SUCLG2: variants seen among roughly 807,000 people sequenced by gnomAD.
SUCLG2 encodes the protein succinate--CoA ligase [GDP-forming] subunit beta, mitochondrial.
SUCLG2 carries 42 observed loss-of-function variants against 47.9 expected under a neutral mutation model. The observed-to-expected ratio is 0.88, with a 90% confidence interval of 0.69 to 1.14. The LOEUF (loss-of-function observed/expected upper bound fraction) is 1.14. SUCLG2 is among the 50% of genes most tolerant of loss of function. The pLI, the probability that SUCLG2 is intolerant of heterozygous loss-of-function variation, is 0.00. For synonymous variants in SUCLG2, 195 were observed against 197.3 expected (o/e 0.99, Z 0.10); for missense variants, 571 against 525.9 (o/e 1.09, Z -0.84).
chr3:67,360,965 A>G (rs1461114907), intron 10 of SUCLG2, among the ~76,000 whole-genome samples: 1 of 152,222 alleles, frequency 6.6e-6, no homozygotes, highest in Admixed American at 6.5e-5. Flanking sequence ...TTATTGGGAA[A>G]ACAACGTCAT....
chr3:67,549,556 T>C (rs1706955903), intron 2 of SUCLG2, among the ~76,000 whole-genome samples: 2 of 152,222 alleles, frequency 1.3e-5, no homozygotes, highest in South Asian at 2.1e-4. Context: ...CTATAGGGAA[T>C]AGGGGTTGAT....
chr3:67,393,762 C>T (rs564487001), intron 10 of SUCLG2, among the ~76,000 whole-genome samples: 15 of 152,162 alleles, frequency 9.9e-5, no homozygotes, highest in Admixed American at 3.3e-4. Flanking sequence ...AGCCTAACTG[C>T]GAGGCACCCC....
chr3:67,606,692 G>T (rs1366921594), intron 2 of SUCLG2, among the ~76,000 whole-genome samples: 1 of 152,064 alleles, frequency 6.6e-6, no homozygotes, highest in Non-Finnish European at 1.5e-5. Context: ...AATCTTGATA[G>T]CTTTTAAAAA....
intron 1 of SUCLG2, among the ~76,000 whole-genome samples, chr3:67,618,992 A>G (rs1313168046): frequency 1.3e-5 from 2 of 152,226 alleles, no homozygotes; most frequent in Admixed American, 6.5e-5. Context: ...ATAGTGCCAC[A>G]TGTCTTATCT....
intron 1 of SUCLG2, among the ~76,000 whole-genome samples, chr3:67,640,629 T>A (rs1258220470): frequency 6.6e-6 from 1 of 152,126 alleles, no homozygotes; most frequent in East Asian, 1.9e-4. Flanking sequence ...TGGAATATTA[T>A]TGCTGGCTAA....
intron 10 of SUCLG2, among the ~76,000 whole-genome samples, chr3:67,393,203 C>A (rs1575665570): frequency 6.6e-6 from 1 of 152,352 alleles, no homozygotes; most frequent in South Asian, 2.1e-4. Flanking sequence ...ATGCACGAGC[C>A]AAAGCAGGGC....
At chr3:67,435,815 A>G (rs891089654) in intron 9 of SUCLG2, among the ~76,000 whole-genome samples, 1 of 152,216 alleles carries the variant, frequency 6.6e-6, no homozygotes, top group Non-Finnish European at 1.5e-5. Context: ...AACTTCACTT[A>G]GGAACAAACA....
At chr3:67,606,533 C>G (rs1227565865) in intron 2 of SUCLG2, among the ~76,000 whole-genome samples, 1 of 152,140 alleles carries the variant, frequency 6.6e-6, no homozygotes, top group Admixed American at 6.6e-5. Flanking sequence ...AATCCCCAAA[C>G]CACAAGAGTA....
intron 9 of SUCLG2, among the ~76,000 whole-genome samples, chr3:67,466,360 A>G (rs1322719654): frequency 6.6e-6 from 1 of 152,176 alleles, no homozygotes; most frequent in Non-Finnish European, 1.5e-5. Flanking sequence ...CAAAAAAAAG[A>G]ATTTATGCTG....
intron 1 of SUCLG2, among the ~76,000 whole-genome samples, chr3:67,630,812 T>C (rs1364212833): frequency 2.0e-5 from 3 of 152,330 alleles, no homozygotes; most frequent in Non-Finnish European, 2.9e-5. Context: ...TTGCCTAGAA[T>C]ACTAAACTTT....
intron 10 of SUCLG2, among the ~76,000 whole-genome samples, chr3:67,369,553 T>C (rs1455858420): frequency 6.6e-6 from 1 of 152,120 alleles, no homozygotes; most frequent in Non-Finnish European, 1.5e-5. Context: ...TTGGTGGAAA[T>C]GTGTTGTGTG....
intron 1 of SUCLG2, among the ~76,000 whole-genome samples, chr3:67,645,438 A>G (rs1189678184): frequency 6.6e-6 from 1 of 152,002 alleles, no homozygotes; most frequent in Non-Finnish European, 1.5e-5. Context: ...CCTATTCAAC[A>G]CTCAGCCATT....
intron 1 of SUCLG2, among the ~76,000 whole-genome samples, chr3:67,642,828 C>T (rs539153656): frequency 4.0e-5 from 6 of 151,894 alleles, no homozygotes; most frequent in African/African-American, 1.5e-4. Flanking sequence ...ATTGTACAGG[C>T]AAGTCCAGCA....
At chr3:67,476,882 T>C (rs186099982) in intron 9 of SUCLG2, among the ~76,000 whole-genome samples, 216 of 152,294 alleles carry the variant, frequency 1.4e-3, no homozygotes, top group Non-Finnish European at 1.1e-3. Context: ...CAATGGCGTC[T>C]ACATGATTCC....
At chr3:67,536,921 T>C (rs1214366282) in intron 2 of SUCLG2, among the ~76,000 whole-genome samples, 2 of 152,114 alleles carry the variant, frequency 1.3e-5, no homozygotes, top group Admixed American at 6.6e-5. Flanking sequence ...GTTATAATAG[T>C]GAAAAAACTA....
intron 10 of SUCLG2, among the ~76,000 whole-genome samples, chr3:67,390,593 T>G (rs1702358511): frequency 6.6e-6 from 1 of 152,072 alleles, no homozygotes; most frequent in African/African-American, 2.4e-5. Context: ...TGGGGGAAAT[T>G]CAGCCTTTGT....
At chr3:67,405,311 A>G (rs1322439131) in intron 9 of SUCLG2, among the ~76,000 whole-genome samples, 1 of 152,186 alleles carries the variant, frequency 6.6e-6, no homozygotes, top group African/African-American at 2.4e-5. Flanking sequence ...TTTAGTACAC[A>G]ATTAAAAGTA....
intron 10 of SUCLG2, among the ~76,000 whole-genome samples, chr3:67,390,307 A>G (rs1409394297): frequency 6.6e-6 from 1 of 152,192 alleles, no homozygotes; most frequent in African/African-American, 2.4e-5. Flanking sequence ...TCTGTTGCCC[A>G]CCCACAATGT....
At chr3:67,506,393 A>G (rs1705639707) in intron 7 of SUCLG2, among the ~76,000 whole-genome samples, 1 of 152,240 alleles carries the variant, frequency 6.6e-6, no homozygotes, top group African/African-American at 2.4e-5. Flanking sequence ...GAACAAATTA[A>G]TAACTAAAGA....
Sources: gnomAD v4.1 joint callset for allele counts (sites outside exome capture counted in the v4.1 genomes callset) on GRCh38, gnomAD v4.1.1 for gene constraint, MANE v1.5 for transcripts, NCBI Gene and HGNC (gene_info 2026-07-23, HGNC 2026-07-21) for gene names.